NEK1: variants seen among roughly 807,000 people sequenced by gnomAD.
NEK1 encodes NIMA related kinase 1, also known as serine/threonine-protein kinase Nek1.
NEK1 carries 137 observed loss-of-function variants against 182.1 expected under a neutral mutation model. That is an observed-to-expected ratio of 0.75 (90% CI 0.65 to 0.87). NEK1 has a LOEUF of 0.87. Ranked by LOEUF, NEK1 falls within the 40% of genes least tolerant of loss-of-function variation. The pLI is 0.00. For missense variants in NEK1, 1,391 were observed against 1,494.4 expected (o/e 0.93, Z 1.14); for synonymous variants, 513 against 492.2 (o/e 1.04, Z -0.56).
At chr4:169,508,654 T>A (rs1181814560) in intron 20 of NEK1, 115 bp downstream of exon 20, 2 of 786,892 alleles carry the variant, frequency 2.5e-6, no homozygotes, top group African/African-American at 3.5e-5. Context: ...AACAGGTCCC[T>A]ACAGACCTAC....
chr4:169,510,834 G>C (rs1330348126), intron 19 of NEK1, among the ~76,000 whole-genome samples: 1 of 152,024 alleles, frequency 6.6e-6, no homozygotes, highest in Non-Finnish European at 1.5e-5. Context: ...ATCCTCTTAA[G>C]ATGGGTAACT....
At chr4:169,426,027 G>C in intron 30 of NEK1, 119 bp downstream of exon 30, 1 of 705,828 alleles carries the variant, frequency 1.4e-6, no homozygotes, top group Non-Finnish European at 2.4e-6. Flanking sequence ...TTTTTTAAAT[G>C]ATTGAGATGA....
intron 27 of NEK1, among the ~76,000 whole-genome samples, chr4:169,441,235 C>T (rs183351753): frequency 1.3e-5 from 2 of 152,214 alleles, no homozygotes; most frequent in African/African-American, 2.4e-5. Flanking sequence ...TCCCCTAGCA[C>T]CTGGGTGAAT....
rs1255859734 is a variant in NEK1, at chr4:169,508,283, G to A, written c.1798C>T (p.Arg600Cys). The change falls in exon 21 of 36, where the codon CGC becomes TGC. Residue 600 changes from arginine to cysteine, a missense_variant. Arg to Cys is a radical substitution (Grantham distance 180). Around this residue, in one of 5 missense-constraint regions of NEK1, gnomAD observed 1,216 missense variants for 1,277.6 expected, o/e 0.95. Coordinates refer to ENST00000507142, the MANE Select transcript of NEK1 (RefSeq NM_001199397.3). ...RQIRLQNFNERQQIKAKLRGE... is the reference protein window; with the variant it reads ...RQIRLQNFNECQQIKAKLRGE... The stretch of plus-strand genomic sequence containing the variant: ...CGAAGTTTGGCTTTAATCTGTTGGC[G>A]CTCATTGAAATTCTGTAGTCTTATT... 3.1e-6 allele frequency: 5 copies of A among 1,594,358 alleles called. No homozygotes were observed. Among genetic ancestry groups the A allele is most frequent in the Non-Finnish European group, 3.4e-6 (4 of 1,171,022 alleles).
chr4:169,399,793 A>C (rs1382930347), intron 35 of NEK1, among the ~76,000 whole-genome samples: 2 of 151,712 alleles, frequency 1.3e-5, no homozygotes, highest in African/African-American at 2.4e-5. Flanking sequence ...GCTAATTAAA[A>C]ATTTTTTTGT....
At chr4:169,611,643 C>A (rs1048530637) in intron 2 of NEK1, among the ~76,000 whole-genome samples, 1 of 152,168 alleles carries the variant, frequency 6.6e-6, no homozygotes, top group Non-Finnish European at 1.5e-5. Context: ...GAAACTGTGT[C>A]AAATCATGGA....
At chr4:169,473,361 C>T (rs960548106) in intron 26 of NEK1, among the ~76,000 whole-genome samples, 1 of 151,602 alleles carries the variant, frequency 6.6e-6, no homozygotes, top group Non-Finnish European at 1.5e-5. Context: ...AGGGGAGAGG[C>T]TGGGCAGGGG....
At chr4:169,603,088 A>C (rs1276787414) in intron 2 of NEK1, among the ~76,000 whole-genome samples, 5 of 152,164 alleles carry the variant, frequency 3.3e-5, no homozygotes, top group African/African-American at 1.2e-4. Context: ...AGTATAGAAC[A>C]ATTTTGGATA....
intron 23 of NEK1, among the ~76,000 whole-genome samples, chr4:169,496,327 T>C (rs1160263748): frequency 5.3e-5 from 8 of 151,786 alleles, no homozygotes; most frequent in Non-Finnish European, 1.2e-4. Flanking sequence ...GTTTTCTAGA[T>C]ATACAATCAT....
chr4:169,450,285 C>T (rs1187695209), intron 27 of NEK1, among the ~76,000 whole-genome samples: 1 of 152,114 alleles, frequency 6.6e-6, no homozygotes, highest in Non-Finnish European at 1.5e-5. Flanking sequence ...ACTTCCCCAA[C>T]CTGGCAAGGC....
chr4:169,502,829 G>A (rs1261315968), intron 23 of NEK1, among the ~76,000 whole-genome samples: 3 of 152,056 alleles, frequency 2.0e-5, no homozygotes, highest in Non-Finnish European at 2.9e-5. Flanking sequence ...AACAAGACAA[G>A]GATTCCATTC....
rs539441297 is a variant in NEK1 at position 169,433,061 on chromosome 4, G to A, written c.2885+484C>T. 2.4e-4 allele frequency among the ~76,000 whole-genome samples: 36 copies of A among 151,998 alleles called. 1 individual carries two copies. In the South Asian group the frequency reaches 7.5e-3, roughly 32 times the overall value. ...AATACAGGTGTGAACCACCGTGCCTGGCCCACTTTATTTTTTGTGAGACAG... is the reference window on the plus strand; with the variant it reads ...AATACAGGTGTGAACCACCGTGCCTAGCCCACTTTATTTTTTGTGAGACAG... On this transcript the variant is annotated intron_variant, in intron 29 of 35. Coordinates refer to ENST00000507142, the MANE Select transcript of NEK1 (RefSeq NM_001199397.3).
rs578033530 is a variant in NEK1 at position 169,569,519 on chromosome 4, C to G, written c.1021-7323G>C. Among the ~76,000 whole-genome samples, 4 of 143,598 alleles carry G rather than the reference C, an allele frequency of 2.8e-5. No homozygotes were observed. In the South Asian group the frequency reaches 9.9e-4, roughly 35 times the overall value. 94.2% of individuals were successfully genotyped at this position (143,598 alleles called of 152,430 possible). A position where few individuals can be genotyped will look rare whatever the true frequency, so the allele number is the denominator to read the frequency against. ...CCATGGTCTCCCTCTCCCTCTCTTT[C>G]CACAGTCTCCCTCTGATGCCGAGCC... On this transcript the variant is annotated intron_variant, in intron 12 of 35. Transcript: ENST00000507142.
At chr4:169,470,880 A>G (rs180694220) in intron 26 of NEK1, among the ~76,000 whole-genome samples, 24 of 152,238 alleles carry the variant, frequency 1.6e-4, no homozygotes, top group African/African-American at 5.8e-4. Flanking sequence ...TTGATCTTCA[A>G]TCCCTGATAT....
At chr4:169,604,412 C>T (rs928565424) in intron 2 of NEK1, among the ~76,000 whole-genome samples, 3 of 152,190 alleles carry the variant, frequency 2.0e-5, no homozygotes, top group African/African-American at 7.2e-5. Context: ...CAATATCACC[C>T]TTATTGTAGA....
chr4:169,399,880 C>T (rs377253914), intron 35 of NEK1, among the ~76,000 whole-genome samples: 3 of 152,284 alleles, frequency 2.0e-5, no homozygotes, highest in South Asian at 4.1e-4. Context: ...CCACTTAAGC[C>T]TCCCAAGTAG....
chr4:169,423,742 T>C (rs914259980), intron 31 of NEK1, among the ~76,000 whole-genome samples: 1 of 152,100 alleles, frequency 6.6e-6, no homozygotes, highest in African/African-American at 2.4e-5. Flanking sequence ...AGATAAGAGG[T>C]GTGATTACAA....
intron 23 of NEK1, among the ~76,000 whole-genome samples, chr4:169,496,405 T>C (rs1236290086): frequency 3.3e-5 from 5 of 151,018 alleles, no homozygotes. Flanking sequence ...TTCCTTCTCC[T>C]GCCTGATTGC....
chr4:169,586,758 C>T (rs968150660), intron 9 of NEK1, among the ~76,000 whole-genome samples: 4 of 151,270 alleles, frequency 2.6e-5, no homozygotes, highest in African/African-American at 9.7e-5. Flanking sequence ...GGGTATGCAA[C>T]CATTAAAAAG....
Sources: allele counts gnomAD v4.1 joint callset (sites outside exome capture counted in the v4.1 genomes callset), GRCh38; gene constraint gnomAD v4.1.1; regional missense constraint gnomAD v4.1.1; transcripts MANE v1.5; gene names NCBI Gene and HGNC (gene_info 2026-07-23, HGNC 2026-07-21).